GLDC: variants seen among roughly 807,000 people sequenced by gnomAD.
The protein encoded by GLDC is glycine dehydrogenase (decarboxylating), mitochondrial.
GLDC carries 104 observed loss-of-function variants against 121.3 expected under a neutral mutation model. The ratio of observed to expected loss-of-function variants is 0.86; its 90% CI spans 0.73 to 1.01. GLDC has a LOEUF of 1.01. Among genes scored for constraint, GLDC ranks in the 50% least tolerant of loss-of-function variants. The pLI, the probability that GLDC is intolerant of heterozygous loss-of-function variation, is 0.00. For synonymous variants in GLDC, 546 were observed against 480.6 expected, an observed-to-expected ratio of 1.14 and a Z score of -1.78; for missense variants, 1,429 against 1,306.6, an observed-to-expected ratio of 1.09 and a Z score of -1.44.
intron 2 of GLDC, chr9:6,639,640 T>C: frequency 8.4e-6 from 4 of 476,370 alleles, no homozygotes; most frequent in Non-Finnish European, 1.4e-5. Context: ...ATTCTAAATA[T>C]ATATATATCT....
At position 6,589,909 on chromosome 9, in the gene GLDC, G is replaced by T. The variant is rs551399027; in HGVS notation, c.1483-617C>A. Reference sequence around the variant, plus strand: ...GTCTCTACTAAAAAATACAAAATTAGCCGGTCGTGTTGGCGGGTGCCTGTA... The same window carrying T: ...GTCTCTACTAAAAAATACAAAATTATCCGGTCGTGTTGGCGGGTGCCTGTA... On this transcript the variant is annotated intron_variant, in intron 11 of 24. Transcript: ENST00000321612. Among the ~76,000 whole-genome samples the T allele has an allele frequency of 6.0e-4, 91 of 152,190 alleles. 2 individuals are homozygous for T. The highest frequency in any genetic ancestry group is 5.2e-3 in the Admixed American group (79 of 15,294).
At chr9:6,582,929 G>A (rs997543387) in intron 15 of GLDC, among the ~76,000 whole-genome samples, 1 of 151,926 alleles carries the variant, frequency 6.6e-6, no homozygotes, top group Non-Finnish European at 1.5e-5. Flanking sequence ...CTCCAAAGAA[G>A]ATGTACAAAT....
intron 16 of GLDC, among the ~76,000 whole-genome samples, chr9:6,564,843 C>A (rs1213869450): frequency 6.6e-6 from 1 of 152,246 alleles, no homozygotes; most frequent in Non-Finnish European, 1.5e-5. Flanking sequence ...TGAAGCAGGA[C>A]CGTGAACTCT....
At chr9:6,556,105 T>A in intron 18 of GLDC, 48 bp downstream of exon 18, 2 of 1,511,254 alleles carry the variant, frequency 1.3e-6, no homozygotes, top group Non-Finnish European at 1.8e-6. Flanking sequence ...TTTTTCCACA[T>A]ATCCATTTTC....
intron 14 of GLDC, among the ~76,000 whole-genome samples, chr9:6,587,806 A>T (rs1017711587): frequency 1.3e-5 from 2 of 152,138 alleles, no homozygotes; most frequent in Admixed American, 6.6e-5. Context: ...TCTATTTTTT[A>T]AAAAAATAGA....
At chr9:6,560,425 C>T (rs146694758) in intron 16 of GLDC, among the ~76,000 whole-genome samples, 8 of 152,336 alleles carry the variant, frequency 5.3e-5, no homozygotes, top group African/African-American at 1.9e-4. Flanking sequence ...TTTAGAACGG[C>T]TGTTGGTCTC....
At chr9:6,599,637 C>G (rs1030702696) in intron 8 of GLDC, among the ~76,000 whole-genome samples, 3 of 150,576 alleles carry the variant, frequency 2.0e-5, no homozygotes, top group African/African-American at 4.9e-5. Context: ...AAGAGAATCG[C>G]TGGAAACTGG....
chr9:6,543,932 GCTAT>G (rs5896154), intron 21 of GLDC, among the ~76,000 whole-genome samples: 32,653 of 151,734 alleles, frequency 0.22, 3,920 homozygotes, highest in East Asian at 0.34. Context: ...ACGTTGGGTG[GCTAT>G]CTAAGTGGGA....
rs369427941 is a variant in GLDC, at chr9:6,622,855, G to A, written c.335-2536C>T. 29 of 210,248 alleles carry A rather than the reference G, an allele frequency of 1.4e-4. No individual in the cohort carries two copies. The East Asian group carries it at 1.8e-3, about 13-fold the overall frequency. The allele number at this position is 210,248 out of a possible 1,614,324, so 13.0% of individuals were successfully genotyped here. A position where few individuals can be genotyped will look rare whatever the true frequency, so the allele number is the denominator to read the frequency against. On this transcript the variant is annotated intron_variant, in intron 2 of 24. Coordinates refer to ENST00000321612, the MANE Select transcript of GLDC (RefSeq NM_000170.3). ...AAGTGAGGAGCGTCTCTGCCCGGCC[G>A]CCCATCGTCTGAGATGTGGGGAGCG...
intron 3 of GLDC, among the ~76,000 whole-genome samples, chr9:6,615,072 T>C (rs1587968957): frequency 6.6e-6 from 1 of 152,196 alleles, no homozygotes. Flanking sequence ...GATAAATAAC[T>C]AAACGTCGCT....
chr9:6,618,561 C>G (rs146751103), intron 3 of GLDC, among the ~76,000 whole-genome samples: 111 of 152,316 alleles, frequency 7.3e-4, no homozygotes, highest in African/African-American at 2.5e-3. Context: ...CCCGCCTCAA[C>G]CTCCCAAAGT....
intron 15 of GLDC, among the ~76,000 whole-genome samples, chr9:6,573,800 G>T (rs553797036): frequency 6.6e-6 from 1 of 152,164 alleles, no homozygotes; most frequent in Non-Finnish European, 1.5e-5. Flanking sequence ...TTCAGTTCAT[G>T]GCACCTTCAG....
intron 8 of GLDC, 132 bp from the exon 9 acceptor site, chr9:6,595,251 T>G: frequency 1.3e-6 from 1 of 752,514 alleles, no homozygotes; most frequent in East Asian, 2.5e-5. Context: ...CATTCTTTGA[T>G]AGTTGGGGAC....
chr9:6,634,935 A>AG (rs748444265), intron 2 of GLDC, among the ~76,000 whole-genome samples: 2 of 152,142 alleles, frequency 1.3e-5, no homozygotes, highest in Non-Finnish European at 2.9e-5. Flanking sequence ...CATTACTTAG[A>AG]GGGGGGAAAA....
chr9:6,597,962 G>T (rs1207057660), intron 8 of GLDC, among the ~76,000 whole-genome samples: 6 of 152,018 alleles, frequency 3.9e-5, no homozygotes. Context: ...AGAATATAAA[G>T]AACAGAACAT....
chr9:6,559,807 T>G (rs978087171), intron 16 of GLDC, among the ~76,000 whole-genome samples: 4 of 150,654 alleles, frequency 2.7e-5, no homozygotes, highest in African/African-American at 9.8e-5. Flanking sequence ...AGAGCAAGAC[T>G]CCGTCTCAAA....
At chr9:6,607,179 G>A (rs928165903) in intron 4 of GLDC, among the ~76,000 whole-genome samples, 1 of 152,162 alleles carries the variant, frequency 6.6e-6, no homozygotes, top group Non-Finnish European at 1.5e-5. Flanking sequence ...TCAGTCTTAA[G>A]ATGGTTCAAT....
chr9:6,576,464 T>C (rs1275787349), intron 15 of GLDC, among the ~76,000 whole-genome samples: 3 of 152,142 alleles, frequency 2.0e-5, no homozygotes, highest in African/African-American at 7.2e-5. Flanking sequence ...ATTTATTTTT[T>C]TCTTCTTCTT....
intron 2 of GLDC, among the ~76,000 whole-genome samples, chr9:6,635,573 A>G (rs1001448329): frequency 6.6e-6 from 1 of 152,016 alleles, no homozygotes; most frequent in Non-Finnish European, 1.5e-5. Flanking sequence ...CCTGTCTCTA[A>G]ATAATAATAA....
Sources: gnomAD v4.1 joint callset for allele counts (sites outside exome capture counted in the v4.1 genomes callset) on GRCh38, gnomAD v4.1.1 for gene constraint, MANE v1.5 for transcripts, NCBI Gene and HGNC (gene_info 2026-07-23, HGNC 2026-07-21) for gene names.